Variants in KLHL7 observed in about 807,000 individuals in gnomAD.
KLHL7 encodes the protein kelch-like protein 7.
Under a neutral mutation model 67.4 loss-of-function variants are expected in KLHL7, and 44 were observed. The ratio of observed to expected loss-of-function variants is 0.65; its 90% CI spans 0.51 to 0.84. The LOEUF is 0.84. Ranked by LOEUF, KLHL7 falls within the 40% of genes least tolerant of loss-of-function variation. The probability of loss-of-function intolerance (pLI) is 0.00; values close to 1 mark genes in which losing one functional copy is unlikely to be tolerated. For synonymous variants in KLHL7, 252 were observed against 243.3 expected (o/e 1.04, Z -0.33); for missense variants, 362 against 718.1 (o/e 0.50, Z 5.67).
chr7:23,167,933 G>T lies in KLHL7; in HGVS notation c.1275G>T (p.Met425Ile). ...SMLTQRCSHG[M>I]VEANGLIYVC... Reference sequence around the variant, plus strand: ...TGACCCAGCGCTGCAGCCATGGGATGGTGGAAGCCAATGGCCTAATCTATG... The same window carrying T: ...TGACCCAGCGCTGCAGCCATGGGATTGTGGAAGCCAATGGCCTAATCTATG... The change falls in exon 9 of 11, where the codon ATG (methionine) becomes ATT (isoleucine). Residue 425 changes from methionine to isoleucine, a missense_variant. By Grantham distance (10) the Met-to-Ile change is conservative. Around this residue, in one of 5 missense-constraint regions of KLHL7, gnomAD observed 136 missense variants for 252.7 expected, o/e 0.54. Coordinates refer to ENST00000339077, the MANE Select transcript of KLHL7 (RefSeq NM_001031710.3). 6.2e-7 allele frequency: 1 copy of T among 1,614,178 alleles called. No individual in the cohort carries two copies. The highest frequency in any genetic ancestry group is 1.1e-5 in the South Asian group (1 of 91,084).
At chr7:23,129,203 C>T (rs1783701452) in intron 4 of KLHL7, 1 of 209,420 alleles carries the variant, frequency 4.8e-6, no homozygotes. Context: ...CTACTGCATG[C>T]AGTGATCATG....
intron 7 of KLHL7, among the ~76,000 whole-genome samples, chr7:23,158,146 T>C (rs1784761791): frequency 6.6e-6 from 1 of 152,110 alleles, no homozygotes; most frequent in Admixed American, 6.5e-5. Flanking sequence ...TTTCATTTTT[T>C]GTAGCAACAG....
At position 23,174,371 on chromosome 7, in the gene KLHL7, G is replaced by T; in HGVS notation, c.*73G>T. The T allele has an allele frequency of 1.3e-6, 2 of 1,549,318 alleles. No homozygotes were observed. The highest frequency in any genetic ancestry group is 1.8e-6 in the Non-Finnish European group (2 of 1,123,678). On this transcript the variant is annotated 3_prime_UTR_variant, in exon 11 of 11. Transcript: ENST00000339077. ...CAGTGCTTTGTTCCAGGAGTTTGGT[G>T]ACAAAGTTTTGGTTTGGTGTTTTGG...
At position 23,105,952 on chromosome 7, in the gene KLHL7, A is replaced by AT. The variant is rs1163309056; in HGVS notation, c.-74dup. 1 of 1,567,466 alleles carries AT rather than the reference A, an allele frequency of 6.4e-7. No individual in the cohort carries two copies. The highest frequency in any genetic ancestry group is 1.9e-5 in the Admixed American group (1 of 53,110). On this transcript the variant is annotated 5_prime_UTR_variant, in exon 1 of 11. Transcript: ENST00000339077. The stretch of plus-strand genomic sequence containing the variant: ...CCGATCGCCGTGTTTGGTCGATAGA[A>AT]TCCCCAGTGTGCCCAGAGAGTGCGA...
intron 4 of KLHL7, among the ~76,000 whole-genome samples, chr7:23,137,074 C>CA (rs1197094560): frequency 1.3e-5 from 2 of 152,200 alleles, no homozygotes; most frequent in African/African-American, 2.4e-5. Context: ...CACCTGAGGT[C>CA]AGGAGTTCGA....
intron 6 of KLHL7, among the ~76,000 whole-genome samples, chr7:23,150,151 C>T (rs1250498138): frequency 6.6e-6 from 1 of 151,982 alleles, no homozygotes; most frequent in Non-Finnish European, 1.5e-5. Flanking sequence ...GAGCAAGACC[C>T]TGGCTCTAGA....
chr7:23,117,905 G>A (rs1358224997), intron 1 of KLHL7: 1 of 1,614,032 alleles, frequency 6.2e-7, no homozygotes. Flanking sequence ...ATGCCAATTT[G>A]ATATCATGCT....
intron 9 of KLHL7, among the ~76,000 whole-genome samples, chr7:23,169,494 G>A (rs887848768): frequency 6.6e-6 from 1 of 151,734 alleles, no homozygotes; most frequent in Admixed American, 6.6e-5. Flanking sequence ...TAAACCCTAG[G>A]CTCAAAAAGT....
intron 4 of KLHL7, chr7:23,129,584 A>C (rs1026939818): frequency 4.8e-6 from 1 of 206,642 alleles, no homozygotes; most frequent in African/African-American, 2.4e-5. Flanking sequence ...AGTCGACTAC[A>C]TTGAATTCAA....
rs527937264 is a variant in KLHL7, at chr7:23,176,674, T to TA, written c.*2394dup. ...GTGACAGACTGAGACCCTGTCTCAT[T>TA]AAAAAAAAAAAAAAAAAAGCTGGGC... is the stretch of plus-strand genomic sequence containing the variant. On this transcript the variant is annotated 3_prime_UTR_variant, in exon 11 of 11. Coordinates refer to ENST00000339077, the MANE Select transcript of KLHL7 (RefSeq NM_001031710.3). 10,058 of 112,646 alleles carry TA rather than the reference T, an allele frequency of 0.089. 641 individuals are homozygous for TA. Among genetic ancestry groups the TA allele is most frequent in the East Asian group, 0.36 (1,426 of 3,938 alleles). The allele number at this position is 112,646 out of a possible 1,614,324, so 7.0% of individuals were successfully genotyped here. A position where few individuals can be genotyped will look rare whatever the true frequency, so the allele number is the denominator to read the frequency against.
chr7:23,117,948 G>A, intron 1 of KLHL7: 1 of 1,614,076 alleles, frequency 6.2e-7, no homozygotes, highest in Non-Finnish European at 8.5e-7. Context: ...TTCTTGACAA[G>A]CCACATAAAT....
At chr7:23,155,053 T>C (rs1784658358) in intron 7 of KLHL7, among the ~76,000 whole-genome samples, 1 of 152,224 alleles carries the variant, frequency 6.6e-6, no homozygotes, top group African/African-American at 2.4e-5. Flanking sequence ...GATTTGTTAA[T>C]CACCATCATA....
intron 8 of KLHL7, 81 bp downstream of exon 8, chr7:23,166,019 T>A (rs531588083): frequency 1.5e-4 from 219 of 1,425,716 alleles, no homozygotes; most frequent in Non-Finnish European, 2.0e-4. Context: ...AATAAACAGC[T>A]GGTATTATTT....
At chr7:23,158,190 C>G in intron 7 of KLHL7, among the ~76,000 whole-genome samples, 1 of 152,108 alleles carries the variant, frequency 6.6e-6, no homozygotes. Context: ...TGGTCTTGAA[C>G]TTCTGGACTC....
At chr7:23,153,968 C>G (rs1784619233) in intron 7 of KLHL7, among the ~76,000 whole-genome samples, 2 of 152,208 alleles carry the variant, frequency 1.3e-5, no homozygotes, top group Admixed American at 1.3e-4. Flanking sequence ...TAAGTATTTT[C>G]AGCTTTGCAT....
chr7:23,113,757 C>T lies in KLHL7; in HGVS notation c.120+7611C>T, dbSNP rs1287052750. ...ATGAGAATCGATTGAACCCAGGAGGCGGAAGTTGTTGTGAGCCGAGATCGT... is the reference window on the plus strand; with the variant it reads ...ATGAGAATCGATTGAACCCAGGAGGTGGAAGTTGTTGTGAGCCGAGATCGT... On this transcript the variant is annotated intron_variant, in intron 1 of 10. Coordinates refer to ENST00000339077, the MANE Select transcript of KLHL7 (RefSeq NM_001031710.3). 7.2e-5 allele frequency among the ~76,000 whole-genome samples: 11 copies of T among 152,192 alleles called. No individual in the cohort carries two copies. In the South Asian group the frequency reaches 2.1e-3, roughly 29 times the overall value.
At chr7:23,112,728 A>G (rs2128456843) in intron 1 of KLHL7, among the ~76,000 whole-genome samples, 1 of 152,358 alleles carries the variant, frequency 6.6e-6, no homozygotes, top group East Asian at 1.9e-4. Context: ...TGTTGACTGT[A>G]GTAAGACTTA....
At chr7:23,127,819 G>A (rs1783631779) in intron 4 of KLHL7, among the ~76,000 whole-genome samples, 1 of 151,778 alleles carries the variant, frequency 6.6e-6, no homozygotes, top group African/African-American at 2.4e-5. Context: ...GTTGCAGTGA[G>A]CCGAGATCTT....
At chr7:23,125,868 C>G (rs565684046) in intron 4 of KLHL7, 401 of 1,549,476 alleles carry the variant, frequency 2.6e-4, no homozygotes, top group Middle Eastern at 3.3e-4. Flanking sequence ...GTGCAGTAGC[C>G]CACCCTTATC....
Sources: allele counts gnomAD v4.1 joint callset (sites outside exome capture counted in the v4.1 genomes callset), GRCh38; gene constraint gnomAD v4.1.1; regional missense constraint gnomAD v4.1.1; transcripts MANE v1.5; gene names NCBI Gene and HGNC (gene_info 2026-07-23, HGNC 2026-07-21).